Variants in ARHGEF9 observed in about 807,000 individuals in gnomAD.
The protein encoded by ARHGEF9 is Cdc42 guanine nucleotide exchange factor 9.
ARHGEF9 carries 2 observed loss-of-function variants against 41.3 expected under a neutral mutation model. That is an observed-to-expected ratio of 0.05 (90% CI 0.02 to 0.15). ARHGEF9 has a LOEUF of 0.15. Among genes scored for constraint, ARHGEF9 ranks in the 10% least tolerant of loss-of-function variants. The pLI, the probability that ARHGEF9 is intolerant of heterozygous loss-of-function variation, is 1.00. For synonymous variants in ARHGEF9, 160 were observed against 154.4 expected, an observed-to-expected ratio of 1.04 and a Z score of -0.27; for missense variants, 225 against 424.7, an observed-to-expected ratio of 0.53 and a Z score of 4.13.
rs1556335095 is a variant in ARHGEF9, at chrX:63,655,720, G to A, written c.1095C>T (p.Asp365=). 8.3e-7 allele frequency: 1 copy of A among 1,209,217 alleles called. No individual in the cohort carries two copies. The highest frequency in any genetic ancestry group is 2.2e-5 in the Admixed American group (1 of 45,965). The change falls in exon 8 of 10, where the codon GAC becomes GAT. Residue 365 remains aspartate (D), a synonymous_variant. Coordinates refer to ENST00000671741, the MANE Select transcript of ARHGEF9 (RefSeq NM_001353921.2). ...CAATGCGGCCTTTGTAGTACAGGAT[G>A]TCTCTCCGGATTAGGTCCTAGATGG... is the stretch of plus-strand genomic sequence containing the variant. The part of the protein sequence containing the change: ...VLCKKDLIRR[D]ILYYKGRIDM...
chrX:63,758,879 G>A (rs2055980478), intron 1 of ARHGEF9, among the ~76,000 whole-genome samples: 1 of 111,960 alleles, frequency 8.9e-6, no homozygotes, highest in Admixed American at 9.4e-5. Flanking sequence ...GACCACGACT[G>A]TCTTGTTCAC....
chrX:63,675,030 T>C lies in ARHGEF9; in HGVS notation c.816-863A>G, dbSNP rs782152712. On this transcript the variant is annotated intron_variant, in intron 5 of 9. Transcript: ENST00000671741. ...TTACTCAATCCTGATGCTTGGAATG[T>C]TGATGTGATGGCCGAACCTCTGGTA... is the stretch of plus-strand genomic sequence containing the variant. Among the ~76,000 whole-genome samples, 5 of 111,065 alleles carry C rather than the reference T, an allele frequency of 4.5e-5. No homozygotes were observed. In the South Asian group the frequency reaches 1.9e-3, roughly 43 times the overall value.
At chrX:63,680,885 A>C (rs2050582260) in intron 4 of ARHGEF9, among the ~76,000 whole-genome samples, 1 of 111,191 alleles carries the variant, frequency 9.0e-6, no homozygotes, top group Non-Finnish European at 1.9e-5. Context: ...CAACAACAAC[A>C]ACAACAACAA....
intron 7 of ARHGEF9, chrX:63,657,249 C>T (rs1157738057): frequency 8.9e-6 from 1 of 112,462 alleles, no homozygotes; most frequent in Admixed American, 9.4e-5. Context: ...CATTTCCATT[C>T]TACTGAATTG....
intron 1 of ARHGEF9, chrX:63,754,958 G>A: frequency 1.1e-6 from 1 of 938,988 alleles, no homozygotes; most frequent in Non-Finnish European, 1.3e-6. Context: ...AGTCTGTCCG[G>A]GCGTGCGTCC....
intron 8 of ARHGEF9, among the ~76,000 whole-genome samples, chrX:63,646,771 T>G (rs2048115042): frequency 8.9e-6 from 1 of 112,050 alleles, no homozygotes; most frequent in African/African-American, 3.2e-5. Flanking sequence ...GTGAAGAAAG[T>G]CATTGGTAGC....
chrX:63,761,222 A>T (rs782314902), intron 1 of ARHGEF9, among the ~76,000 whole-genome samples: 1 of 111,939 alleles, frequency 8.9e-6, no homozygotes, highest in East Asian at 2.8e-4. Flanking sequence ...CAGCCGTTTG[A>T]GCTTTTGGGG....
At chrX:63,754,155 G>A in intron 1 of ARHGEF9, 1 of 638,379 alleles carries the variant, frequency 1.6e-6, no homozygotes, top group Non-Finnish European at 2.5e-6. Context: ...CTCCATGAAC[G>A]CCACATAGAT....
chrX:63,680,192 A>C (rs1384130563), intron 4 of ARHGEF9, among the ~76,000 whole-genome samples: 13 of 112,458 alleles, frequency 1.2e-4, no homozygotes, highest in African/African-American at 4.2e-4. Flanking sequence ...AAACAACAAC[A>C]ATTTGGTAGC....
intron 1 of ARHGEF9, among the ~76,000 whole-genome samples, chrX:63,763,689 G>T (rs2056071001): frequency 9.0e-6 from 1 of 111,226 alleles, no homozygotes; most frequent in Non-Finnish European, 1.9e-5. Context: ...TGATACTCAT[G>T]CTGCCCCTCA....
intron 1 of ARHGEF9, among the ~76,000 whole-genome samples, chrX:63,782,141 T>C (rs2056391771): frequency 9.0e-6 from 1 of 111,663 alleles, no homozygotes; most frequent in African/African-American, 3.3e-5. Flanking sequence ...TCACAACCCC[T>C]AGAATATAAG....
intron 7 of ARHGEF9, among the ~76,000 whole-genome samples, chrX:63,664,402 G>A (rs1376048843): frequency 1.8e-5 from 2 of 112,430 alleles, no homozygotes; most frequent in East Asian, 5.6e-4. Flanking sequence ...AAAATTAACA[G>A]GGCCTAGGGG....
chrX:63,765,306 G>A (rs1556451255), intron 1 of ARHGEF9, among the ~76,000 whole-genome samples: 1 of 109,825 alleles, frequency 9.1e-6, no homozygotes, highest in Non-Finnish European at 1.9e-5. Context: ...CCCCTCAGCT[G>A]CTTCTCAGAA....
At chrX:63,706,595 C>T in intron 2 of ARHGEF9, 146 bp from the exon 3 acceptor site, 3 of 678,086 alleles carry the variant, frequency 4.4e-6, no homozygotes, top group Non-Finnish European at 6.5e-6. Context: ...CGAAACCTGG[C>T]TCTAGGGTGA....
At chrX:63,654,394 C>T (rs782684021) in intron 8 of ARHGEF9, among the ~76,000 whole-genome samples, 1 of 111,425 alleles carries the variant, frequency 9.0e-6, no homozygotes, top group African/African-American at 3.3e-5. Context: ...GTGGCTGCTG[C>T]TGCTTGCTAT....
Position 63,778,712 on chromosome X carries a change from TC to T in ARHGEF9, c.30+6403del, listed in dbSNP as rs782770463. ...AATGCTTTGCTGCTTTGAAATTTCT[TC>T]CACCAGATATCCTAAATCATCTCTC... is the stretch of plus-strand genomic sequence containing the variant. On this transcript the variant is annotated intron_variant, in intron 1 of 9. Coordinates refer to ENST00000671741, the MANE Select transcript of ARHGEF9 (RefSeq NM_001353921.2). Among the ~76,000 whole-genome samples the T allele has an allele frequency of 1.2e-3, 131 of 112,495 alleles. 1 individual carries two copies. The highest frequency in any genetic ancestry group is 4.1e-3 in the African/African-American group (128 of 31,004).
intron 9 of ARHGEF9, chrX:63,641,019 G>T (rs1221044354): frequency 9.0e-6 from 1 of 111,397 alleles, no homozygotes; most frequent in East Asian, 2.8e-4. Flanking sequence ...ACCAAAAATA[G>T]AAATAAGGGA....
At chrX:63,724,173 A>G (rs1556415420) in intron 2 of ARHGEF9, among the ~76,000 whole-genome samples, 1 of 111,055 alleles carries the variant, frequency 9.0e-6, no homozygotes, top group African/African-American at 3.3e-5. Context: ...AAGCAGAAAA[A>G]AGAGAGATAA....
At chrX:63,638,620 G>C (rs1447337783) in intron 9 of ARHGEF9, 5 of 306,350 alleles carry the variant, frequency 1.6e-5, no homozygotes, top group African/African-American at 1.4e-4. Flanking sequence ...GGTTGGTCCT[G>C]CAAAGAACCC....
Sources: allele counts gnomAD v4.1 joint callset (sites outside exome capture counted in the v4.1 genomes callset), GRCh38; gene constraint gnomAD v4.1.1; transcripts MANE v1.5; gene names NCBI Gene and HGNC (gene_info 2026-07-23, HGNC 2026-07-21).